ALG13: variants seen among roughly 807,000 people sequenced by gnomAD.
ALG13 encodes the protein UDP-N-acetylglucosamine transferase subunit ALG13.
Under a neutral mutation model 87.8 loss-of-function variants are expected in ALG13, and 11 were observed. That is an observed-to-expected ratio of 0.13 (90% CI 0.08 to 0.21). The LOEUF is 0.21. Ranked by LOEUF, ALG13 falls within the 10% of genes least tolerant of loss-of-function variation. The pLI, the probability that ALG13 is intolerant of heterozygous loss-of-function variation, is 1.00. For synonymous variants in ALG13, 320 were observed against 306.3 expected (o/e 1.04, Z -0.47); for missense variants, 756 against 866.1 (o/e 0.87, Z 1.60).
At position 111,760,356 on chromosome X, in the gene ALG13, A is replaced by G. The variant is rs1186037763; in HGVS notation, c.*357A>G. The G allele has an allele frequency of 7.1e-6, 1 of 140,520 alleles. No homozygotes were observed. Among genetic ancestry groups the G allele is most frequent in the Admixed American group, 8.4e-5 (1 of 11,922 alleles). The allele number at this position is 140,520 out of a possible 1,213,427, so 11.6% of individuals were successfully genotyped here. On this transcript the variant is annotated 3_prime_UTR_variant, in exon 27 of 27. Coordinates refer to ENST00000394780, the MANE Select transcript of ALG13 (RefSeq NM_001099922.3). ...CAAAAATCACACATCATATTAAACCATGCAGAATTGGAGTAACTTCCACTT... is the reference window on the plus strand; with the variant it reads ...CAAAAATCACACATCATATTAAACCGTGCAGAATTGGAGTAACTTCCACTT...
chrX:111,681,716 G>A (rs1057243700), intron 1 of ALG13: 2 of 839,612 alleles, frequency 2.4e-6, no homozygotes, highest in African/African-American at 2.2e-5. Flanking sequence ...AGCCAGCCGA[G>A]CTCGCCTCAG....
chrX:111,725,172 G>A (rs773781741), intron 15 of ALG13, 111 bp downstream of exon 15: 80 of 928,409 alleles, frequency 8.6e-5, no homozygotes, highest in Non-Finnish European at 1.1e-4. Flanking sequence ...GTAGGGTAGG[G>A]TTTCTCAACT....
Position 111,701,373 on chromosome X carries a change from C to T in ALG13, c.384-6654C>T, listed in dbSNP as rs374063880. ...GGGAGACTTTTATTATTGATTCAAT[C>T]TCCTTCCTCATTATTGGTCTGTTCA... On this transcript the variant is annotated intron_variant, in intron 3 of 26. Transcript: ENST00000394780. Among the ~76,000 whole-genome samples, 62 of 111,794 alleles carry T rather than the reference C, an allele frequency of 5.5e-4. 2 individuals carry two copies. In the East Asian group the frequency reaches 8.4e-3, roughly 15 times the overall value.
chrX:111,733,074 CTAAAA>C (rs1333078539), intron 21 of ALG13, among the ~76,000 whole-genome samples: 1 of 111,109 alleles, frequency 9.0e-6, no homozygotes, highest in Non-Finnish European at 1.9e-5. Flanking sequence ...TCTATTGTTG[CTAAAA>C]TAAAGGATAA....
In ALG13 at chrX:111,685,081, C is replaced by T. The variant is rs771783840; in HGVS notation, c.361C>T (p.His121Tyr). Reference sequence around the variant, plus strand: ...GGCAAAGCAGCTACACAAAGAGGGTCATCTCTTCTATTGTACCTGCAGGTA... The same window carrying T: ...GGCAAAGCAGCTACACAAAGAGGGTTATCTCTTCTATTGTACCTGCAGGTA... Reference protein sequence around the residue: ...ELAKQLHKEGHLFYCTCRVLT... With the variant: ...ELAKQLHKEGYLFYCTCRVLT... Residue 121 changes from histidine to tyrosine, a missense_variant, in exon 3 of 27, where the codon CAT (histidine) becomes TAT (tyrosine). Transcript: ENST00000394780. 1.1e-5 allele frequency: 13 copies of T among 1,208,093 alleles called. No homozygotes were observed. Among genetic ancestry groups the T allele is most frequent in the Non-Finnish European group, 1.5e-5 (13 of 894,445 alleles).
intron 11 of ALG13, 93 bp downstream of exon 11, chrX:111,720,263 T>C (rs1409165853): frequency 3.5e-6 from 2 of 569,545 alleles, no homozygotes; most frequent in Non-Finnish European, 2.6e-6. Flanking sequence ...ATTCTAGTTA[T>C]ATGGGTTGAG....
intron 3 of ALG13, chrX:111,686,014 G>A (rs909256150): frequency 5.0e-5 from 20 of 399,905 alleles, no homozygotes; most frequent in Non-Finnish European, 4.9e-5. Flanking sequence ...AGAAGCCATT[G>A]AAGTATTTTA....
In ALG13 at chrX:111,726,984, T is replaced by C. The variant is rs1428741639; in HGVS notation, c.1905T>C (p.Asn635=). ...PPMHYSQTAG[N]VMSNEHFHPQ... is the part of the protein sequence containing the mutation. ...TGCACTACTCACAGACAGCTGGCAA[T>C]GTTATGTCTAATGAACATTTTCATC... is the stretch of plus-strand genomic sequence containing the variant. The change falls in exon 16 of 27, where the codon AAT becomes AAC. Residue 635 remains asparagine, a synonymous_variant. Transcript: ENST00000394780. The C allele has an allele frequency of 1.7e-6, 2 of 1,211,468 alleles. No homozygotes were observed. The highest frequency in any genetic ancestry group is 1.8e-5 in the South Asian group (1 of 56,958).
chrX:111,759,050 CAGTAT>C (rs749565788), intron 26 of ALG13, among the ~76,000 whole-genome samples: 1 of 109,456 alleles, frequency 9.1e-6, no homozygotes, highest in Admixed American at 9.8e-5. Flanking sequence ...GAATTTTGTG[CAGTAT>C]ACCTTTTATA....
chrX:111,689,873 T>G, intron 3 of ALG13: 2 of 753,919 alleles, frequency 2.7e-6, no homozygotes, highest in Non-Finnish European at 1.6e-6. Context: ...TGTTTGTTTA[T>G]TTATGGAAGT....
intron 25 of ALG13, 105 bp downstream of exon 25, chrX:111,752,935 T>G: frequency 1.9e-6 from 1 of 534,907 alleles, no homozygotes; most frequent in Non-Finnish European, 3.0e-6. Flanking sequence ...CTAAGGGGAC[T>G]AAACATTTTA....
At position 111,754,583 on chromosome X, in the gene ALG13, A is replaced by T. The variant is rs762303799; in HGVS notation, c.2973+1753A>T. On this transcript the variant is annotated intron_variant, in intron 25 of 26. Transcript: ENST00000394780. ...CTGATAAGCAACTTCAGCAAAGTTG[A>T]AGTTGTGTGCAACACAAAATCAGTG... Among the ~76,000 whole-genome samples, 3 of 112,385 alleles carry T rather than the reference A, an allele frequency of 2.7e-5. No individual in the cohort carries two copies. The East Asian group carries it at 8.5e-4, about 32-fold the overall frequency.
intron 19 of ALG13, 65 bp downstream of exon 19, chrX:111,728,370 A>C: frequency 8.7e-7 from 1 of 1,148,883 alleles, no homozygotes; most frequent in Non-Finnish European, 1.2e-6. Context: ...CAGGCCAGTG[A>C]AGTAGACCAA....
intron 11 of ALG13, 117 bp downstream of exon 11, chrX:111,720,287 A>G (rs1208156164): frequency 5.0e-6 from 2 of 399,912 alleles, no homozygotes; most frequent in Non-Finnish European, 8.3e-6. Context: ...GGAGTTGGTC[A>G]TTTTCCTTTG....
intron 21 of ALG13, chrX:111,734,364 GCA>G (rs940447017): frequency 8.9e-6 from 1 of 112,237 alleles, no homozygotes; most frequent in African/African-American, 3.2e-5. Context: ...TTGCTTTTTG[GCA>G]GGGGCTTTGG....
At chrX:111,721,056 GTTTTT>G (rs762735820) in intron 11 of ALG13, among the ~76,000 whole-genome samples, 1 of 87,710 alleles carries the variant, frequency 1.1e-5, no homozygotes, top group Non-Finnish European at 2.3e-5. Flanking sequence ...GAACGACGTG[GTTTTT>G]TTTTTTTTTA....
At chrX:111,721,056 GT>G (rs762735820) in intron 11 of ALG13, among the ~76,000 whole-genome samples, 164 of 87,692 alleles carry the variant, frequency 1.9e-3, no homozygotes, top group Middle Eastern at 0.017. Flanking sequence ...GAACGACGTG[GT>G]TTTTTTTTTT....
chrX:111,722,521 A>G (rs1440898923), intron 12 of ALG13, among the ~76,000 whole-genome samples: 2 of 112,194 alleles, frequency 1.8e-5, no homozygotes, highest in Non-Finnish European at 1.9e-5. Flanking sequence ...TTCAAATTGT[A>G]CCTCGTTAGT....
intron 23 of ALG13, among the ~76,000 whole-genome samples, chrX:111,738,077 C>G (rs189515682): frequency 2.5e-4 from 28 of 112,415 alleles, no homozygotes; most frequent in Admixed American, 2.3e-3. Flanking sequence ...CTAAACAGAT[C>G]TAAATAAACT....
Sources: allele counts gnomAD v4.1 joint callset (sites outside exome capture counted in the v4.1 genomes callset), GRCh38; gene constraint gnomAD v4.1.1; transcripts MANE v1.5; gene names NCBI Gene and HGNC (gene_info 2026-07-23, HGNC 2026-07-21).